USP34: variants seen among roughly 807,000 people sequenced by gnomAD.
The protein encoded by USP34 is ubiquitin carboxyl-terminal hydrolase 34.
USP34 carries 70 observed loss-of-function variants against 460.3 expected under a neutral mutation model. The observed-to-expected ratio is 0.15, with a 90% CI of 0.13 to 0.19. The LOEUF (loss-of-function observed/expected upper bound fraction) is 0.19, where lower values mean the gene tolerates loss of function less well. Ranked by LOEUF, USP34 falls within the 10% of genes least tolerant of loss-of-function variation. USP34 has a pLI of 1.00. For synonymous variants in USP34, 1,647 were observed against 1,405.3 expected, an observed-to-expected ratio of 1.17 and a Z score of -3.85; for missense variants, 3,985 against 4,236.2, an observed-to-expected ratio of 0.94 and a Z score of 1.65.
intron 67 of USP34, among the ~76,000 whole-genome samples, chr2:61,215,606 G>A (rs528965033): frequency 4.6e-5 from 7 of 152,298 alleles, no homozygotes; most frequent in African/African-American, 1.7e-4. Context: ...AATGACCCTG[G>A]ATGGAGGTAA....
At position 61,311,824 on chromosome 2, in the gene USP34, G is replaced by T. The variant is rs766379285; in HGVS notation, c.3629C>A (p.Pro1210Gln). 1 of 1,613,846 alleles carries T rather than the reference G, an allele frequency of 6.2e-7. No individual in the cohort carries two copies. The highest frequency in any genetic ancestry group is 8.5e-7 in the Non-Finnish European group (1 of 1,179,926). The change falls in exon 26 of 80, where the codon CCG (proline) becomes CAG (glutamine). Residue 1210 changes from proline (P) to glutamine (Q), a missense_variant. Transcript: ENST00000398571. ...LKALSDKQSLPLRVVCQPAGL... is the reference protein window; with the variant it reads ...LKALSDKQSLQLRVVCQPAGL... ...AGCTGGCTGGCATACAACCCTTAGC[G>T]GCAGAGACTGTTTGTCACTCAGTGC... is the stretch of plus-strand genomic sequence containing the variant.
chr2:61,371,079 A>T (rs1455607919), intron 8 of USP34, among the ~76,000 whole-genome samples: 1 of 152,248 alleles, frequency 6.6e-6, no homozygotes, highest in East Asian at 1.9e-4. Context: ...ACAGACAGTC[A>T]TGTACTGCAT....
chr2:61,352,038 T>G (rs932337023), intron 10 of USP34, among the ~76,000 whole-genome samples: 1 of 152,128 alleles, frequency 6.6e-6, no homozygotes, highest in African/African-American at 2.4e-5. Flanking sequence ...GTGTTTCAGG[T>G]TTTGGATTTT....
At chr2:61,199,412 C>T (rs978575529) in intron 75 of USP34, among the ~76,000 whole-genome samples, 3 of 152,128 alleles carry the variant, frequency 2.0e-5, no homozygotes, top group African/African-American at 4.8e-5. Flanking sequence ...CCCGCCACCA[C>T]GCCCAGCTAA....
intron 29 of USP34, among the ~76,000 whole-genome samples, chr2:61,297,137 T>C (rs1572909885): frequency 6.6e-6 from 1 of 152,238 alleles, no homozygotes; most frequent in Admixed American, 6.5e-5. Context: ...AACATTTTTC[T>C]AGAAAAGCTT....
At chr2:61,210,851 C>A (rs772016492) in intron 69 of USP34, among the ~76,000 whole-genome samples, 23 of 152,134 alleles carry the variant, frequency 1.5e-4, no homozygotes, top group Non-Finnish European at 3.1e-4. Flanking sequence ...GCTGGGACTA[C>A]AGGTGCATGC....
chr2:61,271,112 C>T (rs967255196), intron 41 of USP34, among the ~76,000 whole-genome samples: 3 of 151,922 alleles, frequency 2.0e-5, no homozygotes, highest in Non-Finnish European at 2.9e-5. Flanking sequence ...GGTGAAAACC[C>T]GCCTCTACAA....
At chr2:61,396,054 C>CA (rs771466849) in intron 3 of USP34, among the ~76,000 whole-genome samples, 815 of 69,674 alleles carry the variant, frequency 0.012, 5 homozygotes, top group Admixed American at 0.016. Context: ...AAAACTGTCT[C>CA]AAAAAAAAAA....
intron 10 of USP34, among the ~76,000 whole-genome samples, chr2:61,366,153 T>TGACTTTGTGATCCGCC (rs1331224494): frequency 1.3e-4 from 20 of 152,344 alleles, no homozygotes; most frequent in African/African-American, 4.6e-4. Context: ...CTTGAACCGC[T>TGACTTTGTGATCCGCC]GACTTTGTGA....
intron 57 of USP34, among the ~76,000 whole-genome samples, chr2:61,233,001 A>G (rs748255050): frequency 4.0e-5 from 6 of 151,056 alleles, no homozygotes; most frequent in Non-Finnish European, 5.9e-5. Context: ...CTGGGATTAC[A>G]GGCACGCACC....
chr2:61,377,139 T>G (rs1692822088), intron 8 of USP34, among the ~76,000 whole-genome samples: 1 of 151,904 alleles, frequency 6.6e-6, no homozygotes, highest in Non-Finnish European at 1.5e-5. Flanking sequence ...CCATACCACA[T>G]AAAGAACAAC....
chr2:61,220,151 TAAAAAAAAAAAAAAAAAAAA>T (rs60784334), intron 67 of USP34, 139 bp downstream of exon 67: 6 of 169,412 alleles, frequency 3.5e-5, no homozygotes, highest in East Asian at 1.6e-4. Context: ...TTTCCTATCC[TAAAAAAAAAAAAAAAAAAAA>T]AAAAAAAAAA....
intron 14 of USP34, 97 bp downstream of exon 14, chr2:61,348,659 A>G: frequency 1.4e-6 from 2 of 1,476,588 alleles, no homozygotes; most frequent in Non-Finnish European, 1.8e-6. Flanking sequence ...GGAGAGGACA[A>G]GCCCAAACAT....
At position 61,190,715 on chromosome 2, in the gene USP34, C is replaced by T. The variant is rs368188570; in HGVS notation, c.9589-57G>A. ...CGGTTGAGCACGGAAAAAACTTACA[C>T]GGAAAAAACTTACACAGAAAAAACA... is the stretch of plus-strand genomic sequence containing the variant. On this transcript the variant is annotated intron_variant, in intron 76 of 79. Coordinates refer to ENST00000398571, the MANE Select transcript of USP34 (RefSeq NM_014709.4). The T allele has an allele frequency of 1.8e-5, 28 of 1,552,960 alleles. No homozygotes were observed. In the African/African-American group the frequency reaches 1.9e-4, roughly 11 times the overall value.
chr2:61,350,666 C>T lies in USP34; in HGVS notation c.1279G>A (p.Asp427Asn). ...QLKHCSRYIH[D>N]LFPSLIKNLD... ...TTCTTGATGAGTGAAGGAAATAAGT[C>T]ATGTATATACCGACTACAATGTTTC... Residue 427 changes from aspartate (D) to asparagine (N), a missense_variant, in exon 11 of 80, where the codon GAC becomes AAC. Asp to Asn is a conservative substitution (Grantham distance 23, BLOSUM62 1). Transcript: ENST00000398571. 1.2e-6 allele frequency: 2 copies of T among 1,612,064 alleles called. No homozygotes were observed. Among genetic ancestry groups the T allele is most frequent in the Non-Finnish European group, 1.7e-6 (2 of 1,179,588 alleles).
chr2:61,458,463 A>G (rs1253801869), intron 1 of USP34, among the ~76,000 whole-genome samples: 2 of 151,168 alleles, frequency 1.3e-5, no homozygotes, highest in Non-Finnish European at 2.9e-5. Flanking sequence ...CGGGAGGCTG[A>G]GGCAGGAGAA....
At chr2:61,283,798 C>G (rs952885326) in intron 35 of USP34, among the ~76,000 whole-genome samples, 2 of 152,032 alleles carry the variant, frequency 1.3e-5, no homozygotes, top group African/African-American at 4.8e-5. Flanking sequence ...GCAAAAGAGA[C>G]TATATTTTAA....
chr2:61,353,896 T>TA, intron 10 of USP34, among the ~76,000 whole-genome samples: 1 of 152,100 alleles, frequency 6.6e-6, no homozygotes, highest in South Asian at 2.1e-4. Flanking sequence ...AACAATACAC[T>TA]ACACAAGGAT....
At chr2:61,249,093 TAATAA>T (rs1277830424) in intron 48 of USP34, among the ~76,000 whole-genome samples, 1 of 152,234 alleles carries the variant, frequency 6.6e-6, no homozygotes, top group African/African-American at 2.4e-5. Context: ...TAACAAGTAT[TAATAA>T]AATAGAACAA....
Sources: allele counts gnomAD v4.1 joint callset (sites outside exome capture counted in the v4.1 genomes callset), GRCh38; gene constraint gnomAD v4.1.1; transcripts MANE v1.5; gene names NCBI Gene and HGNC (gene_info 2026-07-23, HGNC 2026-07-21).